SPART: variants seen among roughly 807,000 people sequenced by gnomAD.
SPART encodes spartin.
Under a neutral mutation model 58.7 loss-of-function variants are expected in SPART, and 35 were observed. That is an observed-to-expected ratio of 0.60 (90% confidence interval 0.46 to 0.79). The LOEUF is 0.79. Among genes scored for constraint, SPART ranks in the 30% least tolerant of loss-of-function variants. The probability of loss-of-function intolerance (pLI) is 0.00; values close to 1 mark genes in which losing one functional copy is unlikely to be tolerated. For missense variants in SPART, 730 were observed against 786.1 expected (o/e 0.93, Z 0.85); for synonymous variants, 284 against 280.7 (o/e 1.01, Z -0.12).
chr13:36,359,685 A>G (rs1456840862), intron 1 of SPART, among the ~76,000 whole-genome samples: 1 of 152,186 alleles, frequency 6.6e-6, no homozygotes, highest in East Asian at 1.9e-4. Context: ...AAGAGACAGC[A>G]AATTGCAGTA....
chr13:36,302,654 C>A lies in SPART; in HGVS notation c.*1711G>T, dbSNP rs1880098860. 6.6e-6 allele frequency: 1 copy of A among 152,180 alleles called. No homozygotes were observed. The highest frequency in any genetic ancestry group is 1.9e-4 in the East Asian group (1 of 5,166). 9.4% of individuals were successfully genotyped at this position (152,180 alleles called of 1,614,324 possible). ...GGTAGGTGTATATATTTATGGGATACATGAGATATTTTGATACAGGTATGC... is the reference window on the plus strand; with the variant it reads ...GGTAGGTGTATATATTTATGGGATAAATGAGATATTTTGATACAGGTATGC... On this transcript the variant is annotated 3_prime_UTR_variant, in exon 9 of 9. Coordinates refer to ENST00000438666, the MANE Select transcript of SPART (RefSeq NM_015087.5).
intron 8 of SPART, among the ~76,000 whole-genome samples, chr13:36,306,747 G>T (rs1014796301): frequency 7.1e-6 from 1 of 140,182 alleles, no homozygotes; most frequent in African/African-American, 2.5e-5. Context: ...CTATTAATTT[G>T]GGAAAAAAAA....
intron 1 of SPART, among the ~76,000 whole-genome samples, chr13:36,363,204 A>AT (rs1309421819): frequency 1.3e-5 from 2 of 152,178 alleles, no homozygotes; most frequent in African/African-American, 2.4e-5. Flanking sequence ...ATGAGTAATG[A>AT]TTCTTTTTTC....
intron 1 of SPART, among the ~76,000 whole-genome samples, chr13:36,368,005 G>A (rs1273217876): frequency 6.6e-6 from 1 of 151,986 alleles, no homozygotes; most frequent in African/African-American, 2.4e-5. Flanking sequence ...ACATGCTTTA[G>A]GGCTAAATAT....
intron 1 of SPART, among the ~76,000 whole-genome samples, chr13:36,358,721 A>G (rs1885718868): frequency 6.6e-6 from 1 of 152,220 alleles, no homozygotes; most frequent in South Asian, 2.1e-4. Context: ...GGCACTTCTT[A>G]AGCAGTCCTG....
At chr13:36,350,540 G>T (rs1885367914), upstream of SPART, among the ~76,000 whole-genome samples, 1 of 152,078 alleles carries the variant, frequency 6.6e-6, no homozygotes, top group African/African-American at 2.4e-5. Flanking sequence ...GATTTGATTT[G>T]GTCATTTCCA....
chr13:36,319,068 C>T (rs1426494442), intron 5 of SPART, among the ~76,000 whole-genome samples: 3 of 152,164 alleles, frequency 2.0e-5, no homozygotes, highest in African/African-American at 4.8e-5. Flanking sequence ...GCCTGTTTCC[C>T]TTGCCTCCAT....
chr13:36,325,042 T>A (rs1361288000), intron 5 of SPART, among the ~76,000 whole-genome samples: 1 of 152,196 alleles, frequency 6.6e-6, no homozygotes, highest in Non-Finnish European at 1.5e-5. Flanking sequence ...TCACTTCTTT[T>A]GTGATTCTTC....
At chr13:36,306,749 GAA>G in intron 8 of SPART, among the ~76,000 whole-genome samples, 1 of 149,606 alleles carries the variant, frequency 6.7e-6, no homozygotes, top group South Asian at 2.1e-4. Flanking sequence ...ATTAATTTGG[GAA>G]AAAAAAACAG....
In SPART at chr13:36,335,171, T is replaced by C. The variant is rs1212265003; in HGVS notation, c.660A>G (p.Glu220=). ...PLETLGLDAD[E]LILIPNGVQI... ...GTACTCCATTTGGTATCAAAATCAA[T>C]TCATCTGCATCCAGCCCTAAGGTCT... Residue 220 remains glutamate (E), a synonymous_variant, in exon 2 of 9, where the codon GAA becomes GAG. Transcript: ENST00000438666. The C allele has an allele frequency of 1.2e-6, 2 of 1,614,028 alleles. No individual in the cohort carries two copies. The highest frequency in any genetic ancestry group is 1.7e-5 in the Admixed American group (1 of 59,992).
intron 1 of SPART, among the ~76,000 whole-genome samples, chr13:36,358,287 T>G (rs1338646638): frequency 6.6e-6 from 1 of 152,222 alleles, no homozygotes; most frequent in East Asian, 1.9e-4. Context: ...TTTGCATGTT[T>G]GGATTTCTAA....
intron 8 of SPART, 48 bp from the exon 9 acceptor site, chr13:36,304,680 A>G (rs777268809): frequency 2.5e-6 from 4 of 1,579,110 alleles, no homozygotes; most frequent in Non-Finnish European, 3.5e-6. Context: ...TAAATATAAA[A>G]TAAGGTCTTC....
chr13:36,362,897 A>C (rs1344414461), intron 1 of SPART, among the ~76,000 whole-genome samples: 1 of 152,182 alleles, frequency 6.6e-6, no homozygotes, highest in Non-Finnish European at 1.5e-5. Context: ...AAATGCTGGC[A>C]GTAATTGTCC....
intron 4 of SPART, among the ~76,000 whole-genome samples, chr13:36,328,736 G>A (rs1170953881): frequency 6.6e-6 from 1 of 151,828 alleles, no homozygotes; most frequent in African/African-American, 2.4e-5. Flanking sequence ...CCTATGAAAT[G>A]AAAGAAGAAA....
rs1883864362 is a variant in SPART, at chr13:36,335,241, A to G, written c.590T>C (p.Val197Ala). The G allele has an allele frequency of 6.2e-7, 1 of 1,614,072 alleles. No homozygotes were observed. Among genetic ancestry groups the G allele is most frequent in the Middle Eastern group, 1.6e-4 (1 of 6,062 alleles). The stretch of plus-strand genomic sequence containing the variant: ...ATGATTCCTATAAAACTCCTCTCCA[A>G]CTGATGAAAACTCCCCAGAATCTGT... ...YGTDSGEFSS[V>A]GEEFYRNHSQ... is the part of the protein sequence containing the mutation. Residue 197 changes from valine (V) to alanine (A), a missense_variant, in exon 2 of 9, where the codon GTT becomes GCT. Transcript: ENST00000438666.
intron 6 of SPART, among the ~76,000 whole-genome samples, chr13:36,313,279 T>C (rs562625129): frequency 2.0e-5 from 3 of 152,340 alleles, no homozygotes; most frequent in African/African-American, 7.2e-5. Context: ...CATCCAGTCA[T>C]GCTGCATAAT....
intron 1 of SPART, among the ~76,000 whole-genome samples, chr13:36,359,589 C>G (rs1365607950): frequency 6.6e-6 from 1 of 152,182 alleles, no homozygotes; most frequent in East Asian, 1.9e-4. Flanking sequence ...TTGTTTCCAA[C>G]TTGGCTTGTT....
intron 1 of SPART, among the ~76,000 whole-genome samples, chr13:36,337,958 A>G (rs1884183888): frequency 6.6e-6 from 1 of 152,212 alleles, no homozygotes; most frequent in Non-Finnish European, 1.5e-5. Flanking sequence ...AATTGTGAAG[A>G]AGGAAAAAGA....
At chr13:36,360,337 A>C (rs1156865253) in intron 1 of SPART, among the ~76,000 whole-genome samples, 1 of 151,568 alleles carries the variant, frequency 6.6e-6, no homozygotes, top group Admixed American at 6.6e-5. Flanking sequence ...TGAAATCAGC[A>C]GTTCTAGAAT....
Sources: gnomAD v4.1 joint callset for allele counts (sites outside exome capture counted in the v4.1 genomes callset) on GRCh38, gnomAD v4.1.1 for gene constraint, MANE v1.5 for transcripts, NCBI Gene and HGNC (gene_info 2026-07-23, HGNC 2026-07-21) for gene names.